EXTL3: variants seen among roughly 807,000 people sequenced by gnomAD.
EXTL3 encodes exostosin like glycosyltransferase 3.
Under a neutral mutation model 69.3 loss-of-function variants are expected in EXTL3, and 27 were observed. The ratio of observed to expected loss-of-function variants is 0.39; its 90% CI spans 0.29 to 0.54. EXTL3 has a LOEUF of 0.54. EXTL3 is among the 20% of genes least tolerant of loss of function. The pLI, the probability that EXTL3 is intolerant of heterozygous loss-of-function variation, is 0.69. For synonymous variants in EXTL3, 511 were observed against 499.4 expected, an observed-to-expected ratio of 1.02 and a Z score of -0.31; for missense variants, 1,003 against 1,231.8, an observed-to-expected ratio of 0.81 and a Z score of 2.78.
At chr8:28,749,903 A>G (rs1801968886) in intron 6 of EXTL3, among the ~76,000 whole-genome samples, 1 of 152,186 alleles carries the variant, frequency 6.6e-6, no homozygotes. Flanking sequence ...TTTGTTGCCC[A>G]GGCTGGTTTT....
At chr8:28,613,207 G>A (rs574288459) in intron 2 of EXTL3, among the ~76,000 whole-genome samples, 2 of 151,230 alleles carry the variant, frequency 1.3e-5, no homozygotes, top group African/African-American at 2.4e-5. Context: ...TTTTTGAGAC[G>A]GAGTCTCACC....
intron 1 of EXTL3, among the ~76,000 whole-genome samples, chr8:28,649,269 G>T (rs917350484): frequency 1.3e-5 from 2 of 152,136 alleles, no homozygotes; most frequent in Non-Finnish European, 2.9e-5. Context: ...TATTTATCTA[G>T]AGCTGCAATT....
At chr8:28,675,706 G>A (rs1386036123) in intron 1 of EXTL3, among the ~76,000 whole-genome samples, 3 of 152,132 alleles carry the variant, frequency 2.0e-5, no homozygotes, top group Non-Finnish European at 2.9e-5. Flanking sequence ...TCCATTTAGC[G>A]TTGCAGCTTT....
At chr8:28,657,865 T>G (rs890246432) in intron 1 of EXTL3, among the ~76,000 whole-genome samples, 2 of 152,206 alleles carry the variant, frequency 1.3e-5, no homozygotes, top group Non-Finnish European at 2.9e-5. Context: ...CTGGGCTCTT[T>G]GACCTCCTGG....
chr8:28,690,263 A>AT (rs1800592761), intron 1 of EXTL3, among the ~76,000 whole-genome samples: 1 of 151,678 alleles, frequency 6.6e-6, no homozygotes, highest in Non-Finnish European at 1.5e-5. Flanking sequence ...CCCAGGCTGG[A>AT]TTGCAGTGGC....
chr8:28,641,185 G>A (rs554087675), intron 1 of EXTL3, among the ~76,000 whole-genome samples: 17 of 152,244 alleles, frequency 1.1e-4, no homozygotes, highest in African/African-American at 3.8e-4. Context: ...ACCTCAGAAG[G>A]ATAATGACTG....
intron 1 of EXTL3, among the ~76,000 whole-genome samples, chr8:28,636,157 C>G (rs1250929963): frequency 6.6e-6 from 1 of 151,872 alleles, no homozygotes; most frequent in Non-Finnish European, 1.5e-5. Context: ...ACGGTGAAAC[C>G]CTGTCTCTAC....
chr8:28,661,575 A>T (rs1248848851), intron 1 of EXTL3, among the ~76,000 whole-genome samples: 1 of 152,042 alleles, frequency 6.6e-6, no homozygotes. Context: ...TTAAGGCTGT[A>T]TGTTATATAA....
intron 1 of EXTL3, among the ~76,000 whole-genome samples, chr8:28,670,069 C>T (rs114397108): frequency 0.015 from 2,333 of 152,070 alleles, 61 homozygotes; most frequent in African/African-American, 0.054. Context: ...ACTAGCTGGG[C>T]ATGATGTTGT....
At position 28,730,789 on chromosome 8, in the gene EXTL3, G is replaced by A. The variant is rs184338652; in HGVS notation, c.2149-434G>A. 7.8e-5 allele frequency among the ~76,000 whole-genome samples: 11 copies of A among 141,572 alleles called. No individual in the cohort carries two copies. In the East Asian group the frequency reaches 8.8e-4, roughly 11 times the overall value. The allele number at this position is 141,572 out of a possible 152,430, so 92.9% of individuals were successfully genotyped here. ...TTTGGGATTTATATCCCAAAAAGGC[G>A]TTAGAATTGGGAGTCAGAAGTGACA... On this transcript the variant is annotated intron_variant, in intron 3 of 6. Coordinates refer to ENST00000220562, the MANE Select transcript of EXTL3 (RefSeq NM_001440.4).
At chr8:28,680,147 T>C (rs781382379) in intron 1 of EXTL3, among the ~76,000 whole-genome samples, 29 of 151,984 alleles carry the variant, frequency 1.9e-4, no homozygotes, top group Non-Finnish European at 2.8e-4. Flanking sequence ...ATCCCAGCAC[T>C]TTGGGAGGCC....
At chr8:28,660,816 A>G (rs1807096649) in intron 1 of EXTL3, among the ~76,000 whole-genome samples, 1 of 137,358 alleles carries the variant, frequency 7.3e-6, no homozygotes. Flanking sequence ...CTAAGGAAAT[A>G]GCCCTCTATT....
At chr8:28,742,812 G>T (rs1801807554) in intron 5 of EXTL3, 2 of 402,874 alleles carry the variant, frequency 5.0e-6, no homozygotes, top group Admixed American at 3.7e-5. Context: ...ACAAATCTTT[G>T]TATTGATTTC....
intron 1 of EXTL3, among the ~76,000 whole-genome samples, chr8:28,649,112 T>G (rs997280450): frequency 2.6e-5 from 4 of 151,780 alleles, no homozygotes; most frequent in African/African-American, 9.7e-5. Flanking sequence ...CTATATTGCC[T>G]AGGCTGGACT....
intron 1 of EXTL3, among the ~76,000 whole-genome samples, chr8:28,627,732 C>T (rs539894778): frequency 4.8e-4 from 73 of 152,258 alleles, no homozygotes; most frequent in African/African-American, 1.7e-3. Flanking sequence ...TGTGTCAGTA[C>T]AAACAATGGA....
In EXTL3 at chr8:28,754,187, C is replaced by G. The variant is rs898370954; in HGVS notation, c.*3321C>G. 1 of 152,258 alleles carries G rather than the reference C, an allele frequency of 6.6e-6. No individual in the cohort carries two copies. Among genetic ancestry groups the G allele is most frequent in the East Asian group, 1.9e-4 (1 of 5,168 alleles). The allele number at this position is 152,258 out of a possible 1,614,324, so 9.4% of individuals were successfully genotyped here. On this transcript the variant is annotated 3_prime_UTR_variant, in exon 7 of 7. Coordinates refer to ENST00000220562, the MANE Select transcript of EXTL3 (RefSeq NM_001440.4). Reference sequence around the variant, plus strand: ...GTCACTAAGGCACCTGTACCTGCACCGAGCTGACGCTCCCTGACTGCAGAG... The same window carrying G: ...GTCACTAAGGCACCTGTACCTGCACGGAGCTGACGCTCCCTGACTGCAGAG...
At chr8:28,724,702 A>T (rs370708074) in intron 3 of EXTL3, among the ~76,000 whole-genome samples, 19 of 152,246 alleles carry the variant, frequency 1.2e-4, no homozygotes, top group African/African-American at 4.3e-4. Flanking sequence ...CAGGAGGCTG[A>T]GGCAGGAGAA....
At chr8:28,685,362 G>C (rs1169651854) in intron 1 of EXTL3, among the ~76,000 whole-genome samples, 1 of 151,756 alleles carries the variant, frequency 6.6e-6, no homozygotes, top group East Asian at 1.9e-4. Flanking sequence ...CGTTTCTTCA[G>C]CTTCCCCTTC....
intron 3 of EXTL3, among the ~76,000 whole-genome samples, chr8:28,726,251 G>A (rs2130761327): frequency 6.6e-6 from 1 of 152,326 alleles, no homozygotes; most frequent in South Asian, 2.1e-4. Context: ...ACTGCGCCCG[G>A]CCTGCATTTA....
Sources: gnomAD v4.1 joint callset for allele counts (sites outside exome capture counted in the v4.1 genomes callset) on GRCh38, gnomAD v4.1.1 for gene constraint, MANE v1.5 for transcripts, NCBI Gene and HGNC (gene_info 2026-07-23, HGNC 2026-07-21) for gene names.